The following COPG1 variants were observed in gnomAD, a reference collection of about 807,000 sequenced individuals.
COPG1 encodes the protein coat protein complex I subunit gamma 1.
A neutral mutation model predicts 102.8 loss-of-function variants in COPG1; 29 were observed. That is an observed-to-expected ratio of 0.28 (90% confidence interval 0.21 to 0.38). The LOEUF is 0.38. COPG1 is among the 10% of genes least tolerant of loss of function. The pLI is 1.00. For missense variants in COPG1, 875 were observed against 1,132.7 expected (o/e 0.77, Z 3.27); for synonymous variants, 406 against 421.6 (o/e 0.96, Z 0.45).
At chr3:129,269,028 G>A (rs982830609) in intron 18 of COPG1, 28 bp downstream of exon 18, 3 of 1,603,420 alleles carry the variant, frequency 1.9e-6, no homozygotes, top group African/African-American at 1.3e-5. Context: ...GGGGATGCTT[G>A]GGACCTGGGC....
At chr3:129,249,977 C>G (rs1199456241) in intron 1 of COPG1, among the ~76,000 whole-genome samples, 3 of 124,062 alleles carry the variant, frequency 2.4e-5, no homozygotes, top group East Asian at 3.9e-4. Context: ...ACAAACACCC[C>G]CCCCCCCAGG....
At chr3:129,251,174 C>T (rs1437494152) in intron 2 of COPG1, among the ~76,000 whole-genome samples, 4 of 151,148 alleles carry the variant, frequency 2.6e-5, no homozygotes, top group South Asian at 2.1e-4. Context: ...CCACCCGCCT[C>T]GGCCTCCCAA....
At chr3:129,277,201 G>A in intron 23 of COPG1, 93 bp from the exon 24 acceptor site, 1 of 1,325,108 alleles carries the variant, frequency 7.5e-7, no homozygotes, top group Non-Finnish European at 1.1e-6. Flanking sequence ...CTACACCAGA[G>A]CTGCCTTCAT....
At chr3:129,272,451 G>A (rs972496063) in intron 20 of COPG1, 36 bp downstream of exon 20, 1 of 1,570,506 alleles carries the variant, frequency 6.4e-7, no homozygotes, top group African/African-American at 1.4e-5. Context: ...TATCCTCCTG[G>A]GAGCTCATGG....
chr3:129,260,704 C>T lies in COPG1; in HGVS notation c.1025C>T (p.Thr342Met), dbSNP rs756483626. The change falls in exon 12 of 24, where the codon ACG (threonine) becomes ATG (methionine). Residue 342 changes from threonine to methionine, a missense_variant. Physicochemically the swap from Thr to Met is moderately conservative, Grantham distance 81 (BLOSUM62 -1). Transcript: ENST00000314797. ...LVTDSNRSIA[T>M]LAITTLLKTG... is the part of the protein sequence containing the mutation. ...ACAGATTCAAACCGCAGCATTGCCA[C>T]GCTGGCCATCACCACCCTCCTTAAG... 20 of 1,613,784 alleles carry T rather than the reference C, an allele frequency of 1.2e-5. No homozygotes were observed. Among genetic ancestry groups the T allele is most frequent in the Admixed American group, 6.7e-5 (4 of 60,010 alleles).
At chr3:129,251,270 A>C (rs1187179923) in intron 2 of COPG1, among the ~76,000 whole-genome samples, 1 of 150,886 alleles carries the variant, frequency 6.6e-6, no homozygotes, top group Non-Finnish European at 1.5e-5. Flanking sequence ...GTTAATTCCA[A>C]AGCTAAGGAA....
chr3:129,277,298 G>A lies in COPG1; in HGVS notation c.2499G>A (p.Val833=), dbSNP rs748749968. 5.6e-6 allele frequency: 9 copies of A among 1,613,922 alleles called. No individual in the cohort carries two copies. Among genetic ancestry groups the A allele is most frequent in the Non-Finnish European group, 7.6e-6 (9 of 1,179,954 alleles). ...KNTHTLLLAG[V]FRGGHDILVR... ...TACTTCTCTCTTCCCTTCTAGGTGT[G>A]TTCCGGGGTGGTCATGACATCCTGG... is the stretch of plus-strand genomic sequence containing the variant. The change falls in exon 24 of 24, where the codon GTG becomes GTA. Residue 833 remains valine (V), a synonymous_variant. Transcript: ENST00000314797.
Position 129,275,161 on chromosome 3 carries a change from A to G in COPG1, c.2396-33A>G, listed in dbSNP as rs769494216. ...GGTGGTGGCACAAAGGGCAGATAAG[A>G]TGGCTTAACAATATTGGGATTTCTC... On this transcript the variant is annotated intron_variant, in intron 22 of 23. Transcript: ENST00000314797. The surrounding 1 kb of genome is among the most constrained non-coding windows in gnomAD (Gnocchi z 5.0). 1 of 1,597,046 alleles carries G rather than the reference A, an allele frequency of 6.3e-7. No homozygotes were observed.
intron 4 of COPG1, 23 bp downstream of exon 4, chr3:129,252,717 C>G (rs758933597): frequency 3.1e-6 from 5 of 1,609,954 alleles, no homozygotes; most frequent in Non-Finnish European, 4.2e-6. Context: ...ACCCAGCTTT[C>G]CTTGAGAGGT....
Position 129,257,531 on chromosome 3 carries a change from T to A in COPG1, c.641T>A (p.Met214Lys), listed in dbSNP as rs1390730209. 1 of 1,614,242 alleles carries A rather than the reference T, an allele frequency of 6.2e-7. No homozygotes were observed. The highest frequency in any genetic ancestry group is 8.5e-7 in the Non-Finnish European group (1 of 1,180,042). ...AATGACCGCCTAGCCGTCAATAAGA[T>A]GATCAGCAAGGTCACACGGCATGGC... ...RKNDRLAVNK[M>K]ISKVTRHGLK... Residue 214 changes from methionine (M) to lysine (K), a missense_variant, in exon 9 of 24, where the codon ATG (methionine) becomes AAG (lysine). By Grantham distance (95) the Met-to-Lys change is moderately conservative. Transcript: ENST00000314797.
rs776457110 is a variant in COPG1 at position 129,260,767 on chromosome 3, A to G, written c.1088A>G (p.Gln363Arg). 1 of 1,612,760 alleles carries G rather than the reference A, an allele frequency of 6.2e-7. No homozygotes were observed. The change falls in exon 12 of 24, where the codon CAG becomes CGG. Residue 363 changes from glutamine (Q) to arginine (R), a missense_variant. Coordinates refer to ENST00000314797, the MANE Select transcript of COPG1 (RefSeq NM_016128.4). ...SESSIDRLMKQISSFMSEISD... is the reference protein window; with the variant it reads ...SESSIDRLMKRISSFMSEISD... Reference sequence around the variant, plus strand: ...AGCAGCATCGACCGCCTCATGAAGCAGATCTCCTCCTTCATGTCAGAAATC... The same window carrying G: ...AGCAGCATCGACCGCCTCATGAAGCGGATCTCCTCCTTCATGTCAGAAATC...
In COPG1 at chr3:129,277,569, C is replaced by G; in HGVS notation, c.*145C>G. Reference sequence around the variant, plus strand: ...ATTGCAGATTTTTTTTTATTCTGCTCCCACCTCCCACCCGGGACTACTTGC... The same window carrying G: ...ATTGCAGATTTTTTTTTATTCTGCTGCCACCTCCCACCCGGGACTACTTGC... On this transcript the variant is annotated 3_prime_UTR_variant, in exon 24 of 24. Coordinates refer to ENST00000314797, the MANE Select transcript of COPG1 (RefSeq NM_016128.4). 1.3e-6 allele frequency: 1 copy of G among 772,924 alleles called. No homozygotes were observed. The highest frequency in any genetic ancestry group is 2.0e-6 in the Non-Finnish European group (1 of 504,520). 47.9% of individuals were successfully genotyped at this position (772,924 alleles called of 1,614,324 possible). A position where few individuals can be genotyped will look rare whatever the true frequency, so the allele number is the denominator to read the frequency against.
intron 12 of COPG1, among the ~76,000 whole-genome samples, chr3:129,262,769 C>T (rs1404511474): frequency 6.6e-6 from 1 of 151,342 alleles, no homozygotes; most frequent in African/African-American, 2.4e-5. Flanking sequence ...CCTGTAATCA[C>T]AGCACTTGGG....
chr3:129,249,798 C>CTT, intron 1 of COPG1, 52 bp downstream of exon 1: 1 of 1,539,840 alleles, frequency 6.5e-7, no homozygotes, highest in South Asian at 1.2e-5. Context: ...ACCCGCCGAG[C>CTT]TTTCCTTCTG....
At chr3:129,257,212 A>G (rs908129508) in intron 8 of COPG1, among the ~76,000 whole-genome samples, 6 of 152,174 alleles carry the variant, frequency 3.9e-5, no homozygotes, top group Admixed American at 3.9e-4. Flanking sequence ...CCATATCTGT[A>G]TTTATGCTAC....
intron 20 of COPG1, 68 bp from the exon 21 acceptor site, chr3:129,272,739 C>T: frequency 1.0e-6 from 1 of 963,874 alleles, no homozygotes; most frequent in Non-Finnish European, 1.6e-6. Flanking sequence ...CCTGCTTGTC[C>T]CCTGCAGGAG....
Position 129,277,601 on chromosome 3 carries a change from C to CAT in COPG1, c.*177_*178insAT. On this transcript the variant is annotated 3_prime_UTR_variant, in exon 24 of 24. Coordinates refer to ENST00000314797, the MANE Select transcript of COPG1 (RefSeq NM_016128.4). ...CCCACCCGGGACTACTTGCTGGTGA[C>CAT]TTTTTTTTTTTTTTTTTTTAAATAG... 1 of 302,330 alleles carries CAT rather than the reference C, an allele frequency of 3.3e-6. No individual in the cohort carries two copies. Among genetic ancestry groups the CAT allele is most frequent in the Non-Finnish European group, 6.2e-6 (1 of 162,256 alleles). 18.7% of individuals were successfully genotyped at this position (302,330 alleles called of 1,614,324 possible).
rs573789954 is a variant in COPG1 at position 129,268,852 on chromosome 3, G to A, written c.1775-80G>A. 8 of 1,347,406 alleles carry A rather than the reference G, an allele frequency of 5.9e-6. No homozygotes were observed. In the African/African-American group the frequency reaches 1.0e-4, roughly 17 times the overall value. 83.5% of individuals were successfully genotyped at this position (1,347,406 alleles called of 1,614,324 possible). ...AGGAGGGTTAGTATTTATAATCCCTGAGTAATAGCACTGGGGTCACCACCA... is the reference window on the plus strand; with the variant it reads ...AGGAGGGTTAGTATTTATAATCCCTAAGTAATAGCACTGGGGTCACCACCA... On this transcript the variant is annotated intron_variant, in intron 17 of 23. Coordinates refer to ENST00000314797, the MANE Select transcript of COPG1 (RefSeq NM_016128.4).
In COPG1 at chr3:129,275,026, T is replaced by G; in HGVS notation, c.2395+50T>G. ...TGGCCTAATTACTGTTCAAGATCTT[T>G]GGCTACTATTGAAGTGCTCATCCCT... On this transcript the variant is annotated intron_variant, in intron 22 of 23. Transcript: ENST00000314797. The surrounding 1 kb of genome is among the most constrained non-coding windows in gnomAD (Gnocchi z 5.0). The G allele has an allele frequency of 2.5e-6, 4 of 1,599,538 alleles. No individual in the cohort carries two copies. The highest frequency in any genetic ancestry group is 3.4e-6 in the Non-Finnish European group (4 of 1,167,960).
Sources: allele counts gnomAD v4.1 joint callset (sites outside exome capture counted in the v4.1 genomes callset), GRCh38; gene constraint gnomAD v4.1.1; non-coding constraint Gnocchi (gnomAD v3.1); transcripts MANE v1.5; gene names NCBI Gene and HGNC (gene_info 2026-07-23, HGNC 2026-07-21).